The following RRAGC variants were observed in gnomAD, a reference collection of about 807,000 sequenced individuals.
The protein encoded by RRAGC is ras-related GTP-binding protein C.
RRAGC carries 8 observed loss-of-function variants against 37.1 expected under a neutral mutation model. That is an observed-to-expected ratio of 0.22 (90% confidence interval 0.13 to 0.39). The LOEUF (loss-of-function observed/expected upper bound fraction) is 0.39. Among genes scored for constraint, RRAGC ranks in the 10% least tolerant of loss-of-function variants. The pLI is 1.00. For synonymous variants in RRAGC, 190 were observed against 181.1 expected (o/e 1.05, Z -0.39); for missense variants, 342 against 497.6 (o/e 0.69, Z 2.98).
rs1382562789 is a variant in RRAGC at position 38,859,691 on chromosome 1, G to A, written c.-45C>T. 13 of 1,375,070 alleles carry A rather than the reference G, an allele frequency of 9.5e-6. No individual in the cohort carries two copies. The South Asian group carries it at 1.3e-4, about 14-fold the overall frequency. 85.2% of individuals were successfully genotyped at this position (1,375,070 alleles called of 1,614,324 possible). A position where few individuals can be genotyped will look rare whatever the true frequency, so the allele number is the denominator to read the frequency against. On this transcript the variant is annotated 5_prime_UTR_variant, in exon 1 of 7. Transcript: ENST00000373001. ...CCCGCGCCCTGACAGGCCAGGCCAG[G>A]CCGAGCCAGGCCGCCGCCTCCCCAG...
intron 5 of RRAGC, among the ~76,000 whole-genome samples, chr1:38,850,603 G>T (rs1445410215): frequency 6.6e-6 from 1 of 151,760 alleles, no homozygotes; most frequent in Non-Finnish European, 1.5e-5. Context: ...GAATAGGTAA[G>T]ACAAATGTAC....
At position 38,859,537 on chromosome 1, in the gene RRAGC, G is replaced by A. The variant is rs1642211130; in HGVS notation, c.110C>T (p.Ala37Val). ...CCCAACCCCTCCGCCCGCCGCCGCC[G>A]CCTCCTCTTCCTCCTCCTCCACGCC... ...GYGVEEEEEE[A>V]AAAGGGVGAG... Residue 37 changes from alanine (A) to valine (V), a missense_variant, in exon 1 of 7, where the codon GCG becomes GTG. This residue lies in a region of RRAGC where 104 missense variants were observed against 93.4 expected (regional missense o/e 1.11). Coordinates refer to ENST00000373001, the MANE Select transcript of RRAGC (RefSeq NM_022157.4). 2.3e-6 allele frequency: 3 copies of A among 1,312,190 alleles called. No individual in the cohort carries two copies. Among genetic ancestry groups the A allele is most frequent in the Non-Finnish European group, 3.1e-6 (3 of 974,770 alleles). The allele number at this position is 1,312,190 out of a possible 1,614,324, so 81.3% of individuals were successfully genotyped here.
chr1:38,851,333 T>C (rs1642099044), intron 5 of RRAGC, among the ~76,000 whole-genome samples: 2 of 152,230 alleles, frequency 1.3e-5, no homozygotes, highest in African/African-American at 4.8e-5. Context: ...GAAGACACAG[T>C]GCAACCCTCC....
intron 5 of RRAGC, among the ~76,000 whole-genome samples, chr1:38,849,133 G>C (rs948259863): frequency 6.6e-6 from 1 of 152,050 alleles, no homozygotes; most frequent in Admixed American, 6.6e-5. Flanking sequence ...AGGTTAGCTG[G>C]GTATGGTGTG....
chr1:38,841,851 C>T (rs896826780), intron 6 of RRAGC, among the ~76,000 whole-genome samples: 2 of 152,014 alleles, frequency 1.3e-5, no homozygotes, highest in South Asian at 4.1e-4. Context: ...AATAAACTAA[C>T]ATAGGCTGGG....
intron 1 of RRAGC, among the ~76,000 whole-genome samples, chr1:38,858,298 A>C (rs1248478269): frequency 6.6e-6 from 1 of 152,214 alleles, no homozygotes; most frequent in Non-Finnish European, 1.5e-5. Context: ...CAGAGTGGAG[A>C]GGTGAAAAGA....
At chr1:38,847,283 G>A (rs1642038746) in intron 5 of RRAGC, 1 of 151,974 alleles carries the variant, frequency 6.6e-6, no homozygotes, top group Non-Finnish European at 1.5e-5. Flanking sequence ...CTTACAATTT[G>A]TGTTCTCATA....
rs768976054 is a variant in RRAGC at position 38,852,410 on chromosome 1, C to T, written c.720G>A (p.Leu240=). ...TATTTAATAGGTTTTCCAAGGTCGG[C>T]AGTTGTGGAATGAGTTTCTGCACCA... The part of the protein sequence containing the change: ...SKVVQKLIPQ[L]PTLENLLNIF... Residue 240 remains leucine (L), a synonymous_variant, in exon 4 of 7, where the codon CTG becomes CTA. Transcript: ENST00000373001. 8 of 1,606,266 alleles carry T rather than the reference C, an allele frequency of 5.0e-6. No individual in the cohort carries two copies. The highest frequency in any genetic ancestry group is 6.8e-6 in the Non-Finnish European group (8 of 1,173,394).
At chr1:38,840,820 G>A (rs2124212434) in intron 6 of RRAGC, among the ~76,000 whole-genome samples, 1 of 152,266 alleles carries the variant, frequency 6.6e-6, no homozygotes, top group South Asian at 2.1e-4. Context: ...AAATTAAGGT[G>A]GACCTTCAGA....
chr1:38,852,464 G>A lies in RRAGC; in HGVS notation c.666C>T (p.Asp222=), dbSNP rs1316768083. The change falls in exon 4 of 7, where the codon GAC becomes GAT. Residue 222 remains aspartate (D), a synonymous_variant. Transcript: ENST00000373001. The part of the protein sequence containing the change: ...HLSFYLTSIY[D]HSIFEAFSKV... ...TACTAAAGGCTTCAAATATTGAATG[G>A]TCATAGATACTAGTCAGATAAAAGC... The A allele has an allele frequency of 2.5e-6, 4 of 1,594,536 alleles. No individual in the cohort carries two copies. The highest frequency in any genetic ancestry group is 3.4e-5 in the Admixed American group (2 of 59,558).
intron 6 of RRAGC, among the ~76,000 whole-genome samples, chr1:38,845,183 T>C (rs1642013422): frequency 6.6e-6 from 1 of 152,170 alleles, no homozygotes; most frequent in South Asian, 2.1e-4. Flanking sequence ...CACGTATGCT[T>C]ATTGCAGCAC....
At chr1:38,852,708 T>C (rs977726770) in intron 3 of RRAGC, 18 of 306,040 alleles carry the variant, frequency 5.9e-5, no homozygotes, top group African/African-American at 3.9e-4. Context: ...ACTGAAGTAG[T>C]ACTGAGAAAA....
In RRAGC at chr1:38,857,924, C is replaced by A. The variant is rs1316449353; in HGVS notation, c.238-842G>T. On this transcript the variant is annotated intron_variant, in intron 1 of 6. Transcript: ENST00000373001. ...GCAGTGAGTGAAGATCACACCACTG[C>A]CCTCCAGCCTGGGCGATGAGCAAGA... Among the ~76,000 whole-genome samples, 8 of 152,148 alleles carry A rather than the reference C, an allele frequency of 5.3e-5. No individual in the cohort carries two copies. The South Asian group carries it at 1.0e-3, about 20-fold the overall frequency.
Position 38,838,634 on chromosome 1 carries a change from G to C in RRAGC, c.*919C>G, listed in dbSNP as rs1641912585. ...CACCACGTGCTCACTCCAACTCCCA[G>C]TGGACAGTCCCCCAATGCCTTAGGG... On this transcript the variant is annotated 3_prime_UTR_variant, in exon 7 of 7. Coordinates refer to ENST00000373001, the MANE Select transcript of RRAGC (RefSeq NM_022157.4). 1 of 152,236 alleles carries C rather than the reference G, an allele frequency of 6.6e-6. No individual in the cohort carries two copies. The highest frequency in any genetic ancestry group is 2.4e-5 in the African/African-American group (1 of 41,474). 9.4% of individuals were successfully genotyped at this position (152,236 alleles called of 1,614,324 possible).
intron 3 of RRAGC, 50 bp from the exon 4 acceptor site, chr1:38,852,538 A>G (rs1036723747): frequency 3.1e-5 from 26 of 851,714 alleles, no homozygotes; most frequent in Non-Finnish European, 5.1e-5. Flanking sequence ...CTTATGTTCT[A>G]TGACAACTAT....
At chr1:38,844,488 G>A (rs1481251575) in intron 6 of RRAGC, among the ~76,000 whole-genome samples, 6 of 151,272 alleles carry the variant, frequency 4.0e-5, no homozygotes, top group East Asian at 1.9e-4. Context: ...AGAGGTGGTC[G>A]GGAAAACAAA....
At chr1:38,843,534 C>G (rs1435798896) in intron 6 of RRAGC, among the ~76,000 whole-genome samples, 1 of 151,870 alleles carries the variant, frequency 6.6e-6, no homozygotes, top group South Asian at 2.1e-4. Flanking sequence ...TCCTGGCTAA[C>G]GCAGTGAAAC....
chr1:38,857,237 C>A (rs989865760), intron 1 of RRAGC, among the ~76,000 whole-genome samples, 155 bp from the exon 2 acceptor site: 1 of 152,052 alleles, frequency 6.6e-6, no homozygotes, highest in African/African-American at 2.4e-5. Context: ...TATTCACTAT[C>A]CCTTTATTTT....
At chr1:38,840,224 G>T (rs575828363) in intron 6 of RRAGC, among the ~76,000 whole-genome samples, 1 of 151,098 alleles carries the variant, frequency 6.6e-6, no homozygotes, top group Non-Finnish European at 1.5e-5. Flanking sequence ...AAACAAATGC[G>T]ATTGCAATTA....
Sources: gnomAD v4.1 joint callset for allele counts (sites outside exome capture counted in the v4.1 genomes callset) on GRCh38, gnomAD v4.1.1 for gene constraint, gnomAD v4.1.1 regional missense constraint, MANE v1.5 for transcripts, NCBI Gene and HGNC (gene_info 2026-07-23, HGNC 2026-07-21) for gene names.